The following PATJ variants were observed in gnomAD, a reference collection of about 807,000 sequenced individuals.
The protein encoded by PATJ is PATJ crumbs cell polarity complex component, also known as inaD-like protein.
PATJ carries 190 observed loss-of-function variants against 224.9 expected under a neutral mutation model. The ratio of observed to expected loss-of-function variants is 0.84; its 90% CI spans 0.75 to 0.95. PATJ has a LOEUF of 0.95. Ranked by LOEUF, PATJ falls within the 40% of genes least tolerant of loss-of-function variation. The pLI, the probability that PATJ is intolerant of heterozygous loss-of-function variation, is 0.00. For synonymous variants in PATJ, 769 were observed against 820.3 expected, an observed-to-expected ratio of 0.94 and a Z score of 1.07; for missense variants, 2,121 against 2,270.3, an observed-to-expected ratio of 0.93 and a Z score of 1.34.
At chr1:62,020,642 T>G (rs1165255800) in intron 29 of PATJ, among the ~76,000 whole-genome samples, 1 of 152,242 alleles carries the variant, frequency 6.6e-6, no homozygotes, top group Non-Finnish European at 1.5e-5. Flanking sequence ...GAAAAGAATT[T>G]GTTGACTAAA....
chr1:61,773,715 A>G (rs1335406861), intron 6 of PATJ, among the ~76,000 whole-genome samples: 1 of 151,970 alleles, frequency 6.6e-6, no homozygotes, highest in East Asian at 1.9e-4. Context: ...TGAACCTGGC[A>G]GGCGGAGGTT....
At chr1:62,105,132 A>G (rs1406940631) in intron 33 of PATJ, among the ~76,000 whole-genome samples, 3 of 152,232 alleles carry the variant, frequency 2.0e-5, no homozygotes, top group Admixed American at 6.5e-5. Context: ...TTAATATATT[A>G]TTCCTTTAGG....
At chr1:62,027,389 A>G (rs1648182321) in intron 29 of PATJ, among the ~76,000 whole-genome samples, 1 of 152,138 alleles carries the variant, frequency 6.6e-6, no homozygotes, top group South Asian at 2.1e-4. Flanking sequence ...GGTTGCTTCC[A>G]CCTTTTGGTG....
chr1:61,796,244 A>C (rs1651075302), intron 10 of PATJ, among the ~76,000 whole-genome samples: 2 of 152,162 alleles, frequency 1.3e-5, no homozygotes, highest in South Asian at 4.1e-4. Context: ...TAGCTCAAAG[A>C]AGATTGAGAG....
intron 18 of PATJ, 43 bp downstream of exon 18, chr1:61,856,282 A>G (rs1663652038): frequency 6.8e-7 from 1 of 1,472,002 alleles, no homozygotes; most frequent in African/African-American, 1.4e-5. Context: ...ATAATAGTGC[A>G]ACAGTTAAAA....
At chr1:61,866,887 A>G (rs1334484571) in intron 20 of PATJ, among the ~76,000 whole-genome samples, 1 of 152,236 alleles carries the variant, frequency 6.6e-6, no homozygotes, top group African/African-American at 2.4e-5. Context: ...TATATGCTAA[A>G]TAAGGGGTGG....
chr1:61,995,741 T>C (rs1395357206), intron 28 of PATJ, among the ~76,000 whole-genome samples: 1 of 152,232 alleles, frequency 6.6e-6, no homozygotes, highest in Non-Finnish European at 1.5e-5. Flanking sequence ...CAAAAGGCAT[T>C]AACATATAAT....
At chr1:61,871,394 T>TATAC (rs1341909316) in intron 20 of PATJ, among the ~76,000 whole-genome samples, 2 of 120,512 alleles carry the variant, frequency 1.7e-5, no homozygotes, top group East Asian at 4.6e-4. Context: ...TGTGTATATA[T>TATAC]ATATATGTGT....
At chr1:62,105,770 A>C (rs1662833649) in intron 33 of PATJ, among the ~76,000 whole-genome samples, 2 of 152,094 alleles carry the variant, frequency 1.3e-5, no homozygotes, top group Admixed American at 1.3e-4. Flanking sequence ...ATGTTTTCAG[A>C]ACTGTATAGT....
At chr1:62,147,917 C>G (rs1668214812) in intron 41 of PATJ, among the ~76,000 whole-genome samples, 1 of 151,240 alleles carries the variant, frequency 6.6e-6, no homozygotes, top group African/African-American at 2.4e-5. Context: ...GAGCTGAGAT[C>G]GCGCCATTGC....
chr1:61,776,249 C>T (rs1646907421), intron 7 of PATJ, among the ~76,000 whole-genome samples: 1 of 152,176 alleles, frequency 6.6e-6, no homozygotes, highest in Non-Finnish European at 1.5e-5. Context: ...CTCTGGAGGG[C>T]TCTGAGAGCC....
intron 28 of PATJ, among the ~76,000 whole-genome samples, chr1:61,991,999 T>TA (rs1470694639): frequency 6.6e-6 from 1 of 152,176 alleles, no homozygotes; most frequent in Non-Finnish European, 1.5e-5. Flanking sequence ...AGAAACTGGG[T>TA]AAATAGTATA....
intron 1 of PATJ, among the ~76,000 whole-genome samples, chr1:61,747,556 T>A (rs1032019674): frequency 1.2e-4 from 19 of 152,232 alleles, no homozygotes; most frequent in Admixed American, 1.3e-4. Flanking sequence ...TTCTCCTGCT[T>A]TTTGTTCCTC....
At chr1:62,122,887 G>T in intron 38 of PATJ, 134 bp from the exon 39 acceptor site, 1 of 429,444 alleles carries the variant, frequency 2.3e-6, no homozygotes, top group Non-Finnish European at 3.9e-6. Flanking sequence ...GCTGAGGAAG[G>T]GTACAATACC....
chr1:62,144,542 G>C lies in PATJ; in HGVS notation c.5272-3742G>C, dbSNP rs74617396. Among the ~76,000 whole-genome samples, 521 of 152,108 alleles carry C rather than the reference G, an allele frequency of 3.4e-3. 22 individuals carry two copies. In the East Asian group the frequency reaches 0.087, roughly 25 times the overall value. On this transcript the variant is annotated intron_variant, in intron 41 of 43. Transcript: ENST00000642238. ...ACCCAGAAGCAGAGGTAACCAAGGA[G>C]CTCTTGAGAAAGTATCTCTGGTAAC...
chr1:62,019,062 G>A lies in PATJ; in HGVS notation c.3959+1115G>A, dbSNP rs540111092. ...GTTTGAGACGAGCCTGGCCAACATG[G>A]CGAAACCCTGTCTCTACTAAAAAAT... On this transcript the variant is annotated intron_variant, in intron 29 of 43. Coordinates refer to ENST00000642238, the MANE Select transcript of PATJ (RefSeq NM_001350145.3). 3.3e-5 allele frequency among the ~76,000 whole-genome samples: 5 copies of A among 152,200 alleles called. No homozygotes were observed. The Middle Eastern group carries it at 0.014, about 414-fold the overall frequency.
chr1:62,061,766 T>C (rs1324984034), intron 31 of PATJ, among the ~76,000 whole-genome samples: 1 of 151,882 alleles, frequency 6.6e-6, no homozygotes, highest in Admixed American at 6.6e-5. Flanking sequence ...TTCACGCCAT[T>C]CTCCTGCCTC....
intron 27 of PATJ, among the ~76,000 whole-genome samples, chr1:61,942,837 C>T (rs1186853107): frequency 1.3e-5 from 2 of 152,286 alleles, no homozygotes; most frequent in East Asian, 3.9e-4. Flanking sequence ...GCATGAGCCA[C>T]CATGCCCAGC....
At chr1:62,041,064 A>G (rs1336670083) in intron 30 of PATJ, among the ~76,000 whole-genome samples, 1 of 152,172 alleles carries the variant, frequency 6.6e-6, no homozygotes, top group Non-Finnish European at 1.5e-5. Context: ...AAATGACAAG[A>G]CAAAGGAAGA....
Sources: allele counts gnomAD v4.1 joint callset (sites outside exome capture counted in the v4.1 genomes callset), GRCh38; gene constraint gnomAD v4.1.1; transcripts MANE v1.5; gene names NCBI Gene and HGNC (gene_info 2026-07-23, HGNC 2026-07-21).